The following NCAPD3 variants were observed in gnomAD, a reference collection of about 807,000 sequenced individuals.
NCAPD3 encodes condensin-2 complex subunit D3.
A neutral mutation model predicts 182.9 loss-of-function variants in NCAPD3; 105 were observed. The observed-to-expected ratio is 0.57, with a 90% CI of 0.49 to 0.68. The LOEUF is 0.68. NCAPD3 is among the 30% of genes least tolerant of loss of function. The pLI is 0.00. For missense variants in NCAPD3, 1,944 were observed against 1,837.0 expected, an observed-to-expected ratio of 1.06 and a Z score of -1.07; for synonymous variants, 815 against 679.9, an observed-to-expected ratio of 1.20 and a Z score of -3.09.
intron 16 of NCAPD3, among the ~76,000 whole-genome samples, chr11:134,188,464 C>T (rs545036383): frequency 2.0e-5 from 3 of 152,276 alleles, no homozygotes; most frequent in South Asian, 2.1e-4. Context: ...TTTGTTCTTT[C>T]GCTCTTCACA....
chr11:134,223,599 A>C (rs1358483071), intron 1 of NCAPD3: 10 of 667,472 alleles, frequency 1.5e-5, no homozygotes, highest in Non-Finnish European at 2.8e-6. Context: ...AAGAAGGGGA[A>C]GGCCGAGAAA....
intron 14 of NCAPD3, 140 bp from the exon 15 acceptor site, chr11:134,194,290 C>T (rs1049999084): frequency 4.9e-6 from 4 of 822,776 alleles, no homozygotes; most frequent in African/African-American, 1.7e-5. Context: ...CTCCTCACAA[C>T]ATCCCATTTT....
At chr11:134,163,871 C>CAAAAAA (rs60340458) in intron 27 of NCAPD3, among the ~76,000 whole-genome samples, 52 of 69,736 alleles carry the variant, frequency 7.5e-4, no homozygotes, top group Admixed American at 1.5e-3. Flanking sequence ...GATTCTGTCT[C>CAAAAAA]AAAAAAAAAA....
rs1943846019 is a variant in NCAPD3, at chr11:134,167,052, CTAGTGAGATGAG to C, written c.3573+932_3573+943del. ...TGAGCTTGGGGGAGCTGCACACTCA[CTAGTGAGATGAG>C]CTTGGGGGAGCTGCACACTCACTAG... is the stretch of plus-strand genomic sequence containing the variant. On this transcript the variant is annotated intron_variant, in intron 27 of 34. Coordinates refer to ENST00000534548, the MANE Select transcript of NCAPD3 (RefSeq NM_015261.3). Among the ~76,000 whole-genome samples, 2 of 103,158 alleles carry C rather than the reference CTAGTGAGATGAG, an allele frequency of 1.9e-5. 1 individual carries two copies. Among genetic ancestry groups the C allele is most frequent in the Non-Finnish European group, 3.7e-5 (2 of 53,626 alleles). The allele number at this position is 103,158 out of a possible 152,430, so 67.7% of individuals were successfully genotyped here.
chr11:134,221,680 T>C (rs1938233810), intron 1 of NCAPD3, among the ~76,000 whole-genome samples: 1 of 152,252 alleles, frequency 6.6e-6, no homozygotes, highest in Non-Finnish European at 1.5e-5. Flanking sequence ...AAAGTATTTG[T>C]TCACCACTGA....
Position 134,194,168 on chromosome 11 carries a change from A to C in NCAPD3, c.1690-18T>G, listed in dbSNP as rs1418931319. 6.2e-7 allele frequency: 1 copy of C among 1,611,410 alleles called. No individual in the cohort carries two copies. The highest frequency in any genetic ancestry group is 8.5e-7 in the Non-Finnish European group (1 of 1,178,422). ...ACTAATACCTAGAAGGCATAGACGCAACATGAACTGTTAACTGCATAGCAT... is the reference window on the plus strand; with the variant it reads ...ACTAATACCTAGAAGGCATAGACGCCACATGAACTGTTAACTGCATAGCAT... On this transcript the variant is annotated intron_variant, in intron 14 of 34. Transcript: ENST00000534548.
intron 27 of NCAPD3, among the ~76,000 whole-genome samples, 165 bp from the exon 28 acceptor site, chr11:134,162,056 A>G (rs553838305): frequency 6.6e-6 from 1 of 152,242 alleles, no homozygotes; most frequent in African/African-American, 2.4e-5. Flanking sequence ...TCTCTGGGAG[A>G]CTTTGTAAGC....
At chr11:134,156,355 C>T (rs1246703213) in intron 32 of NCAPD3, among the ~76,000 whole-genome samples, 1 of 152,186 alleles carries the variant, frequency 6.6e-6, no homozygotes, top group African/African-American at 2.4e-5. Context: ...GCGGCAGGGC[C>T]TAGCCACTAC....
chr11:134,223,506 T>C (rs537601040), intron 1 of NCAPD3: 7 of 701,898 alleles, frequency 1.0e-5, no homozygotes, highest in African/African-American at 8.7e-5. Context: ...GTTCAAGAAA[T>C]AAGTCTGGCG....
At chr11:134,185,654 T>G in intron 16 of NCAPD3, 128 bp from the exon 17 acceptor site, 1 of 651,120 alleles carries the variant, frequency 1.5e-6, no homozygotes, top group South Asian at 2.7e-5. Flanking sequence ...GAAACTTATA[T>G]GTAGACGTTC....
In NCAPD3 at chr11:134,178,852, C is replaced by T. The variant is rs199574533; in HGVS notation, c.2644G>A (p.Val882Ile). The change falls in exon 21 of 35, where the codon GTC (valine) becomes ATC (isoleucine). Residue 882 changes from valine to isoleucine, a missense_variant. Coordinates refer to ENST00000534548, the MANE Select transcript of NCAPD3 (RefSeq NM_015261.3). The part of the protein sequence containing the change: ...EKRIFLLIQS[V>I]LASSADADHS... The stretch of plus-strand genomic sequence containing the variant: ...TCAGCATCAGCAGACGAAGCCAGGA[C>T]GGACTGAATCAGAAGGAAGATGCGC... The T allele has an allele frequency of 2.4e-5, 38 of 1,613,958 alleles. No homozygotes were observed. Among genetic ancestry groups the T allele is most frequent in the South Asian group, 3.3e-5 (3 of 91,072 alleles).
At chr11:134,211,373 G>A (rs1235096841) in intron 3 of NCAPD3, among the ~76,000 whole-genome samples, 8 of 152,026 alleles carry the variant, frequency 5.3e-5, no homozygotes, top group African/African-American at 1.9e-4. Context: ...CCTGGCTAAG[G>A]GCAGTGGCTC....
chr11:134,184,218 G>C (rs1392708269), intron 19 of NCAPD3, among the ~76,000 whole-genome samples: 1 of 152,240 alleles, frequency 6.6e-6, no homozygotes, highest in Non-Finnish European at 1.5e-5. Context: ...AACAGGACAG[G>C]CATGTCCAAG....
intron 4 of NCAPD3, chr11:134,209,679 A>T (rs961939882): frequency 3.0e-5 from 15 of 499,344 alleles, no homozygotes. Context: ...CCGCTACAGT[A>T]GTTTCTAGTT....
chr11:134,200,065 C>A (rs1049604657), intron 13 of NCAPD3, among the ~76,000 whole-genome samples: 2 of 152,028 alleles, frequency 1.3e-5, no homozygotes, highest in African/African-American at 4.8e-5. Flanking sequence ...TGAAGGTGGA[C>A]CCCCTATATC....
intron 19 of NCAPD3, among the ~76,000 whole-genome samples, chr11:134,182,227 T>C (rs1179482709): frequency 2.6e-5 from 4 of 152,178 alleles, no homozygotes; most frequent in Admixed American, 1.3e-4. Context: ...TCTCTCCACA[T>C]GGCAGCCTGT....
intron 16 of NCAPD3, among the ~76,000 whole-genome samples, chr11:134,189,506 TC>T (rs1944480133): frequency 6.6e-6 from 1 of 152,218 alleles, no homozygotes; most frequent in Non-Finnish European, 1.5e-5. Flanking sequence ...AATTCACTGG[TC>T]TTTGACCTTC....
intron 3 of NCAPD3, among the ~76,000 whole-genome samples, chr11:134,211,775 CTTGG>C (rs1340180082): frequency 1.3e-5 from 2 of 152,050 alleles, no homozygotes; most frequent in Non-Finnish European, 2.9e-5. Context: ...TTAATAGTGG[CTTGG>C]TTATTACTGA....
chr11:134,161,319 G>A (rs1196439286), intron 28 of NCAPD3, among the ~76,000 whole-genome samples: 1 of 152,214 alleles, frequency 6.6e-6, no homozygotes, highest in Admixed American at 6.5e-5. Context: ...CCCCTTGCTT[G>A]ACAAAGAATT....
Sources: allele counts gnomAD v4.1 joint callset (sites outside exome capture counted in the v4.1 genomes callset), GRCh38; gene constraint gnomAD v4.1.1; transcripts MANE v1.5; gene names NCBI Gene and HGNC (gene_info 2026-07-23, HGNC 2026-07-21).